GON4L: variants seen among roughly 807,000 people sequenced by gnomAD.
GON4L encodes the protein GON-4-like protein.
A neutral mutation model predicts 211.8 loss-of-function variants in GON4L; 87 were observed. The observed-to-expected ratio is 0.41, with a 90% CI of 0.35 to 0.49. GON4L has a LOEUF of 0.49. Ranked by LOEUF, GON4L falls within the 20% of genes least tolerant of loss-of-function variation. The probability of loss-of-function intolerance (pLI) is 0.15; values close to 1 mark genes in which losing one functional copy is unlikely to be tolerated. For missense variants in GON4L, 2,155 were observed against 2,659.5 expected (o/e 0.81, Z 4.17); for synonymous variants, 875 against 962.6 (o/e 0.91, Z 1.68).
At chr1:155,754,683 C>G (rs1267513413) in intron 27 of GON4L, among the ~76,000 whole-genome samples, 195 bp from the exon 28 acceptor site, 2 of 151,706 alleles carry the variant, frequency 1.3e-5, no homozygotes, top group African/African-American at 4.8e-5. Context: ...GTATGCGCCA[C>G]CACACCCAGC....
chr1:155,835,114 T>C (rs1241234582), intron 2 of GON4L, among the ~76,000 whole-genome samples: 1 of 152,074 alleles, frequency 6.6e-6, no homozygotes, highest in Non-Finnish European at 1.5e-5. Context: ...TGGGAGACTT[T>C]TCATTTTGTT....
chr1:155,767,270 G>A, intron 20 of GON4L, 155 bp downstream of exon 20: 1 of 1,538,276 alleles, frequency 6.5e-7, no homozygotes. Flanking sequence ...ACCCAGAGAA[G>A]GGCAGAAAAG....
chr1:155,836,631 A>C (rs1032831691), intron 2 of GON4L, among the ~76,000 whole-genome samples: 2 of 152,190 alleles, frequency 1.3e-5, no homozygotes, highest in Non-Finnish European at 2.9e-5. Flanking sequence ...AATGGGGAAT[A>C]GTGTCTCTGG....
At chr1:155,796,828 TA>T (rs914115740) in intron 11 of GON4L, among the ~76,000 whole-genome samples, 70 of 145,516 alleles carry the variant, frequency 4.8e-4, no homozygotes, top group South Asian at 2.4e-3. Flanking sequence ...GGAACTGATT[TA>T]AAAAAAAAAA....
At position 155,752,528 on chromosome 1, in the gene GON4L, G is replaced by A. The variant is rs1162721035; in HGVS notation, c.5905C>T (p.Leu1969Phe). The part of the protein sequence containing the change: ...PREVTVTERL[L>F]LDGPPPHSPE... ...GAATGAGGTGGTGGGCCATCCAGGA[G>A]GAGCCGTTCTGTAACAGTCACTTCT... The change falls in exon 30 of 32, where the codon CTC (leucine) becomes TTC (phenylalanine). Residue 1969 changes from leucine (L) to phenylalanine (F), a missense_variant. By Grantham distance (22) the Leu-to-Phe change is conservative. This residue lies in a region of GON4L where 455 missense variants were observed against 504.6 expected (regional missense o/e 0.90). Coordinates refer to ENST00000368331, the MANE Select transcript of GON4L (RefSeq NM_001282860.2). 36 of 1,601,554 alleles carry A rather than the reference G, an allele frequency of 2.2e-5. No individual in the cohort carries two copies. The highest frequency in any genetic ancestry group is 3.0e-5 in the Non-Finnish European group (35 of 1,173,948).
chr1:155,747,111 T>A (rs758247788), downstream of GON4L: 1 of 1,605,234 alleles, frequency 6.2e-7, no homozygotes. Flanking sequence ...AAATGTCGAT[T>A]TTTCTGACCC....
intron 11 of GON4L, among the ~76,000 whole-genome samples, chr1:155,802,312 TG>T (rs112512680): frequency 0.081 from 11,044 of 137,130 alleles, 615 homozygotes; most frequent in African/African-American, 0.15. Flanking sequence ...ACATTTTCCT[TG>T]GGGGGGGGGA....
chr1:155,745,918 G>C (rs528675693), downstream of GON4L: 16 of 866,658 alleles, frequency 1.8e-5, no homozygotes, highest in African/African-American at 2.8e-4. Flanking sequence ...AGCAGGTGAG[G>C]TCAGCCGGCA....
chr1:155,844,104 G>A (rs1470778819), intron 2 of GON4L, among the ~76,000 whole-genome samples: 4 of 152,224 alleles, frequency 2.6e-5, no homozygotes, highest in African/African-American at 9.6e-5. Flanking sequence ...AATTTTTACA[G>A]GAATTGGGGC....
intron 11 of GON4L, among the ~76,000 whole-genome samples, chr1:155,797,789 G>A (rs1666219757): frequency 1.3e-5 from 2 of 151,156 alleles, no homozygotes; most frequent in African/African-American, 4.9e-5. Flanking sequence ...GGAGACAGAG[G>A]TTGCAGTGAG....
At chr1:155,748,959 C>G (rs1050350428), downstream of GON4L, among the ~76,000 whole-genome samples, 2 of 152,084 alleles carry the variant, frequency 1.3e-5, no homozygotes, top group Non-Finnish European at 1.5e-5. Flanking sequence ...CATAAAAATT[C>G]TTAAGTTTCT....
Position 155,766,945 on chromosome 1 carries a change from C to A in GON4L, c.2764-236G>T, listed in dbSNP as rs555340596. ...CCTGTAATCCCAGCTACTCAGGAGG[C>A]GGAGGCAGGAGAATCACTTGAACCT... is the stretch of plus-strand genomic sequence containing the variant. On this transcript the variant is annotated intron_variant, in intron 20 of 31. Transcript: ENST00000368331. The A allele has an allele frequency of 1.0e-5, 6 of 596,248 alleles. No homozygotes were observed. The East Asian group carries it at 2.0e-4, about 20-fold the overall frequency. 36.9% of individuals were successfully genotyped at this position (596,248 alleles called of 1,614,324 possible).
At chr1:155,836,297 T>A (rs1353917340) in intron 2 of GON4L, among the ~76,000 whole-genome samples, 3 of 140,106 alleles carry the variant, frequency 2.1e-5, no homozygotes, top group Non-Finnish European at 4.5e-5. Flanking sequence ...TCACCCAGGG[T>A]GGAGTGCAGT....
intron 14 of GON4L, among the ~76,000 whole-genome samples, chr1:155,780,515 C>T (rs950926307): frequency 2.6e-5 from 4 of 152,054 alleles, no homozygotes; most frequent in Admixed American, 2.6e-4. Context: ...ATCACTTGAA[C>T]CCGGGAGGCA....
At chr1:155,816,120 T>C (rs1360043102) in intron 7 of GON4L, 92 bp downstream of exon 7, 4 of 731,084 alleles carry the variant, frequency 5.5e-6, no homozygotes, top group African/African-American at 3.5e-5. Context: ...AAAACAAAGA[T>C]TGATCAAGAA....
intron 12 of GON4L, among the ~76,000 whole-genome samples, chr1:155,790,541 T>C (rs141925853): frequency 4.6e-5 from 7 of 152,208 alleles, no homozygotes; most frequent in African/African-American, 1.7e-4. Flanking sequence ...TACGCCCAGT[T>C]AGTATTATTT....
intron 2 of GON4L, among the ~76,000 whole-genome samples, chr1:155,833,336 A>G (rs927640625): frequency 7.3e-5 from 11 of 151,644 alleles, no homozygotes; most frequent in Non-Finnish European, 1.2e-4. Flanking sequence ...GCTATTTCTC[A>G]CCCATTCTCC....
intron 2 of GON4L, among the ~76,000 whole-genome samples, chr1:155,837,632 C>CTG (rs1402772500): frequency 3.9e-5 from 6 of 152,020 alleles, no homozygotes. Flanking sequence ...CTCTCTCTCT[C>CTG]CCCCACCAGA....
chr1:155,856,793 A>G (rs1027777853), intron 1 of GON4L, among the ~76,000 whole-genome samples: 2 of 148,114 alleles, frequency 1.4e-5, no homozygotes, highest in African/African-American at 5.3e-5. Context: ...AAAAAGAAGG[A>G]AAGAAAGACA....
Sources: gnomAD v4.1 joint callset for allele counts (sites outside exome capture counted in the v4.1 genomes callset) on GRCh38, gnomAD v4.1.1 for gene constraint, gnomAD v4.1.1 regional missense constraint, MANE v1.5 for transcripts, NCBI Gene and HGNC (gene_info 2026-07-23, HGNC 2026-07-21) for gene names.